Variants in NR1H4 observed in about 807,000 individuals in gnomAD.
NR1H4 encodes the protein nuclear receptor subfamily 1 group H member 4.
A neutral mutation model predicts 58.5 loss-of-function variants in NR1H4; 23 were observed. The observed-to-expected ratio is 0.39, with a 90% CI of 0.28 to 0.56. NR1H4 has a LOEUF of 0.56. Ranked by LOEUF, NR1H4 falls within the 20% of genes least tolerant of loss-of-function variation. The pLI, the probability that NR1H4 is intolerant of heterozygous loss-of-function variation, is 0.58. For synonymous variants in NR1H4, 214 were observed against 198.0 expected (o/e 1.08, Z -0.68); for missense variants, 487 against 576.9 (o/e 0.84, Z 1.60).
At chr12:100,475,949 G>A (rs1046540779) in intron 1 of NR1H4, among the ~76,000 whole-genome samples, 2 of 152,080 alleles carry the variant, frequency 1.3e-5, no homozygotes, top group African/African-American at 4.8e-5. Context: ...GGCCAGACTG[G>A]TCTCGAACTC....
At chr12:100,499,969 C>T (rs1285566284) in intron 3 of NR1H4, 1 of 455,988 alleles carries the variant, frequency 2.2e-6, no homozygotes, top group South Asian at 1.5e-5. Flanking sequence ...GAATGCCTGG[C>T]ACATCACAAG....
chr12:100,522,052 T>A lies in NR1H4; in HGVS notation c.446-10406T>A, dbSNP rs573971142. 4.6e-5 allele frequency among the ~76,000 whole-genome samples: 7 copies of A among 152,078 alleles called. No individual in the cohort carries two copies. The South Asian group carries it at 1.5e-3, about 32-fold the overall frequency. On this transcript the variant is annotated intron_variant, in intron 4 of 10. Transcript: ENST00000392986. ...GTCCTAAATTACTTAACCTTTCTGA[T>A]CTTTAGACTCCCCACCTGTAAGATA...
rs533077823 is a variant in NR1H4 at position 100,493,707 on chromosome 12, A to C, written c.79+305A>C. 2.0e-5 allele frequency among the ~76,000 whole-genome samples: 3 copies of C among 152,346 alleles called. No individual in the cohort carries two copies. The East Asian group carries it at 5.8e-4, about 29-fold the overall frequency. On this transcript the variant is annotated intron_variant, in intron 3 of 10. Coordinates refer to ENST00000392986, the MANE Select transcript of NR1H4 (RefSeq NM_001206979.2). ...CGATTCCTCCTCTAAGGCTAATTCC[A>C]ATATTATTATAGCAGGTACTAAACT...
rs1211575505 is a variant in NR1H4 at position 100,499,878 on chromosome 12, G to A, written c.79+6476G>A. On this transcript the variant is annotated intron_variant, in intron 3 of 10. Coordinates refer to ENST00000392986, the MANE Select transcript of NR1H4 (RefSeq NM_001206979.2). ...ATTTCCTGGGTTGGTTCCAATCTCT[G>A]CCATCTACTACCCTGTGGTCTTGGA... is the stretch of plus-strand genomic sequence containing the variant. The A allele has an allele frequency of 1.1e-5, 5 of 455,982 alleles. No individual in the cohort carries two copies. The East Asian group carries it at 2.1e-4, about 19-fold the overall frequency. 28.2% of individuals were successfully genotyped at this position (455,982 alleles called of 1,614,324 possible).
chr12:100,510,190 T>C (rs937203602), intron 3 of NR1H4, among the ~76,000 whole-genome samples: 3 of 152,222 alleles, frequency 2.0e-5, no homozygotes, highest in Non-Finnish European at 4.4e-5. Flanking sequence ...AAATACTTTT[T>C]CATAGAGGTT....
At position 100,532,607 on chromosome 12, in the gene NR1H4, A is replaced by T; in HGVS notation, c.595A>T (p.Thr199Ser). The T allele has an allele frequency of 6.2e-7, 1 of 1,613,910 alleles. No individual in the cohort carries two copies. Residue 199 changes from threonine (T) to serine (S), a missense_variant, in exon 5 of 11, where the codon ACA becomes TCA. Thr to Ser is a moderately conservative substitution (Grantham distance 58). Coordinates refer to ENST00000392986, the MANE Select transcript of NR1H4 (RefSeq NM_001206979.2). The part of the protein sequence containing the change: ...EMGMLAECMY[T>S]GLLTEIQCKS... ...GGGAATGTTGGCTGAATGTATGTAT[A>T]CAGGTATTCACTTCAAGCAATTACA...
intron 5 of NR1H4, among the ~76,000 whole-genome samples, chr12:100,534,453 G>A (rs902168687): frequency 3.9e-5 from 6 of 151,980 alleles, no homozygotes; most frequent in African/African-American, 1.5e-4. Context: ...AATATTAATG[G>A]CATGTTTTAA....
chr12:100,536,475 A>T, intron 6 of NR1H4, 37 bp from the exon 7 acceptor site: 2 of 1,223,664 alleles, frequency 1.6e-6, no homozygotes, highest in Non-Finnish European at 2.4e-6. Context: ...CTTTATACAC[A>T]TCTTCCCTAA....
intron 4 of NR1H4, among the ~76,000 whole-genome samples, chr12:100,525,988 T>C (rs1188634007): frequency 1.3e-5 from 2 of 152,142 alleles, no homozygotes; most frequent in Admixed American, 6.5e-5. Context: ...ATTTCTGATA[T>C]TGGTAATTTG....
intron 9 of NR1H4, among the ~76,000 whole-genome samples, chr12:100,560,247 G>T (rs910162313): frequency 6.6e-6 from 1 of 152,172 alleles, no homozygotes; most frequent in South Asian, 2.1e-4. Context: ...ATGTGGGTGG[G>T]GCCAGATAAG....
intron 4 of NR1H4, among the ~76,000 whole-genome samples, chr12:100,528,790 CA>C (rs1297760924): frequency 2.6e-5 from 4 of 152,164 alleles, no homozygotes; most frequent in African/African-American, 9.7e-5. Flanking sequence ...ATACCAGAGT[CA>C]AAAAACCCTG....
chr12:100,515,593 A>G (rs1035450610), intron 4 of NR1H4, among the ~76,000 whole-genome samples: 13 of 152,212 alleles, frequency 8.5e-5, no homozygotes, highest in African/African-American at 2.7e-4. Context: ...GAATGCTATT[A>G]TTAGTTTTTT....
In NR1H4 at chr12:100,563,986, A is replaced by G. The variant is rs939842661; in HGVS notation, c.*497A>G. 6.4e-6 allele frequency: 1 copy of G among 156,638 alleles called. No individual in the cohort carries two copies. Among genetic ancestry groups the G allele is most frequent in the African/African-American group, 2.4e-5 (1 of 41,466 alleles). 9.7% of individuals were successfully genotyped at this position (156,638 alleles called of 1,614,324 possible). A position where few individuals can be genotyped will look rare whatever the true frequency, so the allele number is the denominator to read the frequency against. On this transcript the variant is annotated 3_prime_UTR_variant, in exon 11 of 11. Coordinates refer to ENST00000392986, the MANE Select transcript of NR1H4 (RefSeq NM_001206979.2). ...AGATACTGTCTCTCGCACTTTTGTC[A>G]TCTCTGGAAAAGTCCTGGTGAATAG...
intron 4 of NR1H4, among the ~76,000 whole-genome samples, chr12:100,532,077 G>A (rs190536822): frequency 6.6e-6 from 1 of 152,126 alleles, no homozygotes; most frequent in Non-Finnish European, 1.5e-5. Context: ...GTGCGTCTTT[G>A]TCCTCAGCCA....
rs1954250532 is a variant in NR1H4, at chr12:100,515,785, T to C, written c.445+4642T>C. On this transcript the variant is annotated intron_variant, in intron 4 of 10. Transcript: ENST00000392986. ...TGTTTTCTGCTTATATTGATAAATA[T>C]TGATGCTCAAATCATCGTGAGTTGT... 2.6e-5 allele frequency among the ~76,000 whole-genome samples: 4 copies of C among 152,344 alleles called. 1 individual carries two copies. In the South Asian group the frequency reaches 6.2e-4, roughly 24 times the overall value.
At chr12:100,547,867 C>T (rs554549992) in intron 9 of NR1H4, among the ~76,000 whole-genome samples, 10 of 151,508 alleles carry the variant, frequency 6.6e-5, no homozygotes, top group South Asian at 2.1e-4. Flanking sequence ...ACTACCGGGG[C>T]GTGCCCCCAT....
intron 9 of NR1H4, among the ~76,000 whole-genome samples, chr12:100,544,144 C>G (rs1955003106): frequency 6.7e-6 from 1 of 149,248 alleles, no homozygotes; most frequent in Non-Finnish European, 1.5e-5. Context: ...CCCAGCTACT[C>G]GGGAGGCTGA....
intron 1 of NR1H4, among the ~76,000 whole-genome samples, chr12:100,490,905 T>G (rs1441802906): frequency 6.6e-6 from 1 of 152,110 alleles, no homozygotes; most frequent in Non-Finnish European, 1.5e-5. Context: ...ATCCTCCTGC[T>G]TCAACTTCCC....
intron 7 of NR1H4, 103 bp downstream of exon 7, chr12:100,536,713 G>T: frequency 1.3e-6 from 1 of 741,908 alleles, no homozygotes. Flanking sequence ...ACTTTGAAAT[G>T]ATTAGAGCTG....
Sources: allele counts gnomAD v4.1 joint callset (sites outside exome capture counted in the v4.1 genomes callset), GRCh38; gene constraint gnomAD v4.1.1; transcripts MANE v1.5; gene names NCBI Gene and HGNC (gene_info 2026-07-23, HGNC 2026-07-21).